Variants in RNF185 observed in about 807,000 individuals in gnomAD.
RNF185 encodes the protein ring finger protein 185, also known as E3 ubiquitin-protein ligase RNF185.
RNF185 carries 13 observed loss-of-function variants against 24.9 expected under a neutral mutation model. The observed-to-expected ratio is 0.52, with a 90% CI of 0.34 to 0.83. The LOEUF is 0.83. Among genes scored for constraint, RNF185 ranks in the 40% least tolerant of loss-of-function variants. The pLI, the probability that RNF185 is intolerant of heterozygous loss-of-function variation, is 0.01. For missense variants in RNF185, 184 were observed against 244.7 expected, an observed-to-expected ratio of 0.75 and a Z score of 1.65; for synonymous variants, 79 against 90.3, an observed-to-expected ratio of 0.88 and a Z score of 0.71.
intron 2 of RNF185, 140 bp downstream of exon 2, chr22:31,187,410 T>C (rs2048110819): frequency 1.1e-6 from 1 of 879,970 alleles, no homozygotes; most frequent in Non-Finnish European, 1.8e-6. Context: ...TGAGTTCCCA[T>C]CCCAGCTCTG....
chr22:31,165,772 G>C (rs1923883289), intron 1 of RNF185, among the ~76,000 whole-genome samples: 1 of 152,112 alleles, frequency 6.6e-6, no homozygotes, highest in South Asian at 2.1e-4. Flanking sequence ...CCTTCATTTT[G>C]GGTGCCACTC....
chr22:31,201,584 A>G lies in RNF185; in HGVS notation c.450A>G (p.Ala150=). Residue 150 remains alanine (A), a synonymous_variant, in exon 6 of 7, where the codon GCA becomes GCG. Transcript: ENST00000326132. ...TTCCCTTTGGGATATTTGCCACAGCATTTAATATAAATGATGGGCGGCCTC... is the reference window on the plus strand; with the variant it reads ...TTCCCTTTGGGATATTTGCCACAGCGTTTAATATAAATGATGGGCGGCCTC... ...GAFPFGIFAT[A]FNINDGRPPP... is the part of the protein sequence containing the mutation. 1 of 1,611,966 alleles carries G rather than the reference A, an allele frequency of 6.2e-7. No homozygotes were observed.
At chr22:31,199,296 A>G (rs991475399) in intron 5 of RNF185, among the ~76,000 whole-genome samples, 4 of 152,142 alleles carry the variant, frequency 2.6e-5, no homozygotes, top group Admixed American at 2.0e-4. Flanking sequence ...CAGATAGGTA[A>G]AGTGATCTGT....
chr22:31,162,714 A>C (rs1387337001), intron 1 of RNF185, among the ~76,000 whole-genome samples: 3 of 149,950 alleles, frequency 2.0e-5, no homozygotes, highest in Admixed American at 6.7e-5. Flanking sequence ...ACCTGGACCT[A>C]CTGCTTGTTT....
intron 1 of RNF185, among the ~76,000 whole-genome samples, chr22:31,174,135 G>C (rs1302044044): frequency 6.6e-6 from 1 of 152,150 alleles, no homozygotes; most frequent in Non-Finnish European, 1.5e-5. Flanking sequence ...TGTCTTGTGA[G>C]GAAGATATTA....
intron 2 of RNF185, among the ~76,000 whole-genome samples, chr22:31,188,430 C>T (rs879484446): frequency 1.3e-4 from 20 of 152,130 alleles, no homozygotes; most frequent in Non-Finnish European, 2.5e-4. Flanking sequence ...TATCGTAAAA[C>T]CAGGACTTGA....
At chr22:31,202,858 C>T (rs1362246020) in intron 6 of RNF185, among the ~76,000 whole-genome samples, 1 of 152,200 alleles carries the variant, frequency 6.6e-6, no homozygotes, top group African/African-American at 2.4e-5. Flanking sequence ...TCGTGATCCG[C>T]CCGCCTGGGC....
chr22:31,192,658 A>T (rs375047165), intron 2 of RNF185, 26 bp from the exon 3 acceptor site: 69 of 1,610,972 alleles, frequency 4.3e-5, no homozygotes, highest in Non-Finnish European at 5.8e-5. Context: ...CTCCTTGATG[A>T]CTGGTTGCCC....
intron 1 of RNF185, among the ~76,000 whole-genome samples, chr22:31,166,056 G>T (rs372988359): frequency 6.6e-6 from 1 of 152,104 alleles, no homozygotes; most frequent in Non-Finnish European, 1.5e-5. Flanking sequence ...CAGTGGCACA[G>T]TGTTGACTCA....
chr22:31,186,431 A>G (rs1305384443), intron 1 of RNF185, among the ~76,000 whole-genome samples: 3 of 151,990 alleles, frequency 2.0e-5, no homozygotes, highest in Non-Finnish European at 2.9e-5. Flanking sequence ...ATGAAACCCC[A>G]TCTCTACTAA....
intron 1 of RNF185, among the ~76,000 whole-genome samples, chr22:31,173,416 GACACAC>G (rs55812227): frequency 5.4e-5 from 8 of 146,902 alleles, no homozygotes; most frequent in South Asian, 2.2e-4. Flanking sequence ...CACACACACA[GACACAC>G]ACACACACAC....
chr22:31,166,466 A>G (rs1225007420), intron 1 of RNF185, among the ~76,000 whole-genome samples: 2 of 152,122 alleles, frequency 1.3e-5, no homozygotes, highest in East Asian at 3.8e-4. Flanking sequence ...ACAGGTCCAT[A>G]TCTTGCTTTT....
At position 31,187,253 on chromosome 22, in the gene RNF185, G is replaced by C; in HGVS notation, c.159G>C (p.Leu53=). 1 of 1,614,004 alleles carries C rather than the reference G, an allele frequency of 6.2e-7. No homozygotes were observed. The highest frequency in any genetic ancestry group is 2.2e-5 in the East Asian group (1 of 44,880). Residue 53 remains leucine, a synonymous_variant, in exon 2 of 7, where the codon CTG becomes CTC. Coordinates refer to ENST00000326132, the MANE Select transcript of RNF185 (RefSeq NM_152267.4). ...LDTAKDAVIS[L]CGHLFCWPCL... ...CAGCCAAGGATGCCGTCATCAGCCT[G>C]TGTGGCCACCTCTTCTGGTCAGTAC...
intron 5 of RNF185, among the ~76,000 whole-genome samples, chr22:31,197,581 G>A (rs937780747): frequency 2.0e-5 from 3 of 152,116 alleles, no homozygotes; most frequent in Non-Finnish European, 4.4e-5. Flanking sequence ...GATAAGACAG[G>A]GTCTCACTCT....
At chr22:31,188,176 C>A (rs2048118512) in intron 2 of RNF185, among the ~76,000 whole-genome samples, 1 of 152,074 alleles carries the variant, frequency 6.6e-6, no homozygotes, top group South Asian at 2.1e-4. Flanking sequence ...GATTATCAAA[C>A]CCAGATTCGA....
chr22:31,165,202 G>A (rs552299592), intron 1 of RNF185, among the ~76,000 whole-genome samples: 1 of 152,224 alleles, frequency 6.6e-6, no homozygotes, highest in East Asian at 1.9e-4. Context: ...ACAGGTGTGA[G>A]CCACTGCGCC....
chr22:31,187,077 C>T lies in RNF185; in HGVS notation c.-18C>T, dbSNP rs1441891726. ...CCCTGGGGAAAGTCTTCACTCAGAG[C>T]TTCGCTGACAGCCAAGGATGGCAAG... On this transcript the variant is annotated 5_prime_UTR_variant, in exon 2 of 7. Transcript: ENST00000326132. 1.9e-6 allele frequency: 3 copies of T among 1,599,498 alleles called. No homozygotes were observed. Among genetic ancestry groups the T allele is most frequent in the Non-Finnish European group, 2.6e-6 (3 of 1,174,410 alleles).
At chr22:31,183,703 A>G (rs887941963) in intron 1 of RNF185, among the ~76,000 whole-genome samples, 1 of 152,214 alleles carries the variant, frequency 6.6e-6, no homozygotes, top group African/African-American at 2.4e-5. Context: ...GGTTGGGGGT[A>G]AGGTTATAGA....
intron 3 of RNF185, among the ~76,000 whole-genome samples, chr22:31,193,813 C>G (rs1407392563): frequency 6.7e-6 from 1 of 149,382 alleles, no homozygotes; most frequent in Non-Finnish European, 1.5e-5. Context: ...AACCAAAAAA[C>G]CGAAAAAAAA....
Sources: allele counts gnomAD v4.1 joint callset (sites outside exome capture counted in the v4.1 genomes callset), GRCh38; gene constraint gnomAD v4.1.1; transcripts MANE v1.5; gene names NCBI Gene and HGNC (gene_info 2026-07-23, HGNC 2026-07-21).